The following SNTG1 variants were observed in gnomAD, a reference collection of about 807,000 sequenced individuals.
The protein encoded by SNTG1 is gamma-1-syntrophin.
A neutral mutation model predicts 74.7 loss-of-function variants in SNTG1; 39 were observed. That is an observed-to-expected ratio of 0.52 (90% confidence interval 0.40 to 0.68). The LOEUF (loss-of-function observed/expected upper bound fraction) is 0.68, where lower values mean the gene tolerates loss of function less well. Ranked by LOEUF, SNTG1 falls within the 30% of genes least tolerant of loss-of-function variation. The pLI is 0.00. For synonymous variants in SNTG1, 254 were observed against 217.1 expected (o/e 1.17, Z -1.49); for missense variants, 685 against 609.5 (o/e 1.12, Z -1.30).
intron 2 of SNTG1, among the ~76,000 whole-genome samples, chr8:50,376,756 T>TATATATATATATATAGAG (rs1381048539): frequency 1.0e-4 from 9 of 89,958 alleles, no homozygotes; most frequent in East Asian, 3.0e-4. Context: ...TATATATATA[T>TATATATATATATATAGAG]AGAGAGAGAG....
At chr8:49,938,586 T>C (rs886098961) in intron 1 of SNTG1, among the ~76,000 whole-genome samples, 3 of 39,202 alleles carry the variant, frequency 7.7e-5, no homozygotes, top group Admixed American at 3.5e-4. Flanking sequence ...TCTTTTCTTT[T>C]CTTTTCTTTT....
chr8:50,671,705 A>G (rs1304150353), intron 15 of SNTG1, among the ~76,000 whole-genome samples: 1 of 151,484 alleles, frequency 6.6e-6, no homozygotes, highest in Non-Finnish European at 1.5e-5. Flanking sequence ...TATATACCCA[A>G]AGGACTATAA....
intron 1 of SNTG1, among the ~76,000 whole-genome samples, chr8:49,953,121 A>C (rs1450122421): frequency 3.9e-5 from 6 of 152,234 alleles, no homozygotes; most frequent in Admixed American, 3.9e-4. Context: ...TGAGATCATC[A>C]AGAGTGACAA....
intron 2 of SNTG1, among the ~76,000 whole-genome samples, chr8:50,172,853 A>C (rs1224110060): frequency 6.6e-6 from 1 of 151,684 alleles, no homozygotes; most frequent in Non-Finnish European, 1.5e-5. Flanking sequence ...AGTTGTAGTT[A>C]CACAGCATTT....
chr8:50,246,360 A>T (rs1045129934), intron 2 of SNTG1, among the ~76,000 whole-genome samples: 1 of 152,084 alleles, frequency 6.6e-6, no homozygotes, highest in Admixed American at 6.6e-5. Flanking sequence ...ACTTCTCAAC[A>T]TAAGTTCCAT....
rs540502813 is a variant in SNTG1 at position 50,343,309 on chromosome 8, A to C, written c.-27-50903A>C. Among the ~76,000 whole-genome samples the C allele has an allele frequency of 2.0e-5, 3 of 152,284 alleles. No individual in the cohort carries two copies. The South Asian group carries it at 6.2e-4, about 32-fold the overall frequency. ...AAAGTAGTTTATAAACCAAACACTA[A>C]ATGGAAGACGTTTATATCCTTACCA... On this transcript the variant is annotated intron_variant, in intron 2 of 18. Transcript: ENST00000642720.
chr8:50,301,284 T>A (rs565433218), intron 2 of SNTG1, among the ~76,000 whole-genome samples: 2 of 152,246 alleles, frequency 1.3e-5, no homozygotes, highest in East Asian at 3.9e-4. Flanking sequence ...TGCTTTCAAC[T>A]GAGTGATCTT....
chr8:50,706,674 C>T (rs548423714), intron 16 of SNTG1, among the ~76,000 whole-genome samples: 39 of 152,142 alleles, frequency 2.6e-4, no homozygotes, highest in Middle Eastern at 3.4e-3. Context: ...GTCTTTTTAG[C>T]TTTTAGTTGT....
At chr8:50,316,370 T>C (rs1355232394) in intron 2 of SNTG1, among the ~76,000 whole-genome samples, 1 of 152,164 alleles carries the variant, frequency 6.6e-6, no homozygotes, top group East Asian at 1.9e-4. Flanking sequence ...TTTGGATGTT[T>C]TGATGTACTT....
intron 4 of SNTG1, among the ~76,000 whole-genome samples, chr8:50,433,942 A>T (rs2093272394): frequency 6.6e-6 from 1 of 152,200 alleles, no homozygotes; most frequent in African/African-American, 2.4e-5. Context: ...CACAACGTGC[A>T]GGTTTGTTAC....
At position 50,000,426 on chromosome 8, in the gene SNTG1, C is replaced by T. The variant is rs1201314105; in HGVS notation, c.-103+88195C>T. Among the ~76,000 whole-genome samples the T allele has an allele frequency of 2.0e-5, 3 of 152,048 alleles. No individual in the cohort carries two copies. In the East Asian group the frequency reaches 5.8e-4, roughly 29 times the overall value. On this transcript the variant is annotated intron_variant, in intron 1 of 18. Coordinates refer to ENST00000642720, the MANE Select transcript of SNTG1 (RefSeq NM_018967.5). ...CAAACTGCTGCTCCTCCGAGTTGTT[C>T]TGGAATGGGTCTTATTTTTTTATGT...
intron 11 of SNTG1, among the ~76,000 whole-genome samples, chr8:50,543,262 A>G (rs1465015960): frequency 6.6e-6 from 1 of 152,106 alleles, no homozygotes; most frequent in African/African-American, 2.4e-5. Context: ...GTGTATGGTG[A>G]GGGATAGGGC....
chr8:50,532,381 CA>C (rs893010258), intron 10 of SNTG1, among the ~76,000 whole-genome samples: 17 of 151,938 alleles, frequency 1.1e-4, no homozygotes, highest in Non-Finnish European at 2.4e-4. Context: ...GATTTTAACA[CA>C]AAAAAATTAA....
chr8:50,662,922 C>T (rs1046804226), intron 15 of SNTG1, among the ~76,000 whole-genome samples: 3 of 152,042 alleles, frequency 2.0e-5, no homozygotes, highest in Non-Finnish European at 4.4e-5. Flanking sequence ...CTTCTATGTG[C>T]CAAGCACTCC....
chr8:50,213,408 A>G (rs1034478168), intron 2 of SNTG1, among the ~76,000 whole-genome samples: 20 of 152,200 alleles, frequency 1.3e-4, no homozygotes, highest in Non-Finnish European at 2.9e-4. Flanking sequence ...CATACCACAT[A>G]CCAATTGCTG....
intron 13 of SNTG1, among the ~76,000 whole-genome samples, chr8:50,610,931 C>A (rs959239437): frequency 6.6e-6 from 1 of 151,822 alleles, no homozygotes; most frequent in Admixed American, 6.6e-5. Context: ...ATTAGGATTT[C>A]TTTTTCGTAT....
At chr8:50,712,111 C>G (rs1286971836) in intron 17 of SNTG1, among the ~76,000 whole-genome samples, 1 of 152,208 alleles carries the variant, frequency 6.6e-6, no homozygotes, top group Non-Finnish European at 1.5e-5. Flanking sequence ...TAAATCTTCA[C>G]TGAATGCCTG....
intron 2 of SNTG1, among the ~76,000 whole-genome samples, chr8:50,359,151 T>A (rs1008437446): frequency 2.0e-5 from 3 of 152,206 alleles, no homozygotes; most frequent in African/African-American, 7.2e-5. Context: ...CTTAGGTAGA[T>A]GCACATAAAA....
chr8:50,002,928 G>A (rs1024297222), intron 1 of SNTG1, among the ~76,000 whole-genome samples: 1 of 152,108 alleles, frequency 6.6e-6, no homozygotes, highest in Admixed American at 6.6e-5. Context: ...GAAGGGAAAG[G>A]TACTGATACA....
Sources: allele counts gnomAD v4.1 joint callset (sites outside exome capture counted in the v4.1 genomes callset), GRCh38; gene constraint gnomAD v4.1.1; transcripts MANE v1.5; gene names NCBI Gene and HGNC (gene_info 2026-07-23, HGNC 2026-07-21).